Variants in AKT3 observed in about 807,000 individuals in gnomAD.
AKT3 encodes RAC-gamma serine/threonine-protein kinase.
In AKT3, 15 loss-of-function variants were observed where a neutral mutation model predicts 65.3. That is an observed-to-expected ratio of 0.23 (90% confidence interval 0.15 to 0.35). AKT3 has a LOEUF of 0.35. Among genes scored for constraint, AKT3 ranks in the 10% least tolerant of loss-of-function variants. The pLI, the probability that AKT3 is intolerant of heterozygous loss-of-function variation, is 1.00. For synonymous variants in AKT3, 206 were observed against 183.8 expected, an observed-to-expected ratio of 1.12 and a Z score of -0.98; for missense variants, 243 against 576.5, an observed-to-expected ratio of 0.42 and a Z score of 5.92.
At chr1:243,817,549 TG>T (rs1693606209) in intron 2 of AKT3, among the ~76,000 whole-genome samples, 1 of 152,210 alleles carries the variant, frequency 6.6e-6, no homozygotes, top group Non-Finnish European at 1.5e-5. Flanking sequence ...GTGACCAGCC[TG>T]GCCAACATGG....
At chr1:243,592,242 G>T (rs926581812) in intron 8 of AKT3, among the ~76,000 whole-genome samples, 1 of 152,110 alleles carries the variant, frequency 6.6e-6, no homozygotes, top group African/African-American at 2.4e-5. Context: ...GGCTGAGGCA[G>T]GAGAATGGCG....
chr1:243,698,695 C>A lies in AKT3; in HGVS notation c.47-2979G>T, dbSNP rs146466558. ...AAAATTTTAAAGAATTTCCCTTCTT[C>A]CTTAAAAAAGTATTATTTCTCACAA... On this transcript the variant is annotated intron_variant, in intron 2 of 13. Transcript: ENST00000673466. 8.5e-5 allele frequency among the ~76,000 whole-genome samples: 13 copies of A among 152,066 alleles called. No individual in the cohort carries two copies. The East Asian group carries it at 2.5e-3, about 29-fold the overall frequency.
chr1:243,748,818 T>C (rs982241061), intron 2 of AKT3, among the ~76,000 whole-genome samples: 4 of 152,184 alleles, frequency 2.6e-5, no homozygotes, highest in Admixed American at 2.6e-4. Context: ...TATACAGGTC[T>C]GACTTTCAAA....
intron 8 of AKT3, among the ~76,000 whole-genome samples, chr1:243,604,590 A>C (rs1677257551): frequency 6.6e-6 from 1 of 152,196 alleles, no homozygotes; most frequent in Non-Finnish European, 1.5e-5. Flanking sequence ...CTTACGTCTT[A>C]GCCTAGCAAC....
chr1:243,692,735 A>G (rs941680735), intron 3 of AKT3, among the ~76,000 whole-genome samples: 5 of 144,730 alleles, frequency 3.5e-5, no homozygotes, highest in Non-Finnish European at 6.1e-5. Context: ...GAGACTGTCT[A>G]AAAAAAAAAA....
chr1:243,753,849 A>T (rs1306221141), intron 2 of AKT3, among the ~76,000 whole-genome samples: 1 of 152,234 alleles, frequency 6.6e-6, no homozygotes, highest in Non-Finnish European at 1.5e-5. Flanking sequence ...AAGGGCTAGA[A>T]TCCCATCTTT....
intron 6 of AKT3, among the ~76,000 whole-genome samples, chr1:243,626,510 A>G (rs1490059262): frequency 1.3e-5 from 2 of 152,214 alleles, no homozygotes; most frequent in Non-Finnish European, 2.9e-5. Context: ...CTCAGTTCAA[A>G]TCATCAGAGG....
chr1:243,627,224 T>G (rs1318179761), intron 6 of AKT3, among the ~76,000 whole-genome samples: 4 of 152,052 alleles, frequency 2.6e-5, no homozygotes, highest in African/African-American at 9.7e-5. Context: ...CCAGACATAG[T>G]GGCTCACACC....
chr1:243,643,546 T>A (rs1175128369), intron 5 of AKT3, among the ~76,000 whole-genome samples: 2 of 152,246 alleles, frequency 1.3e-5, no homozygotes, highest in Non-Finnish European at 2.9e-5. Context: ...CATTTTCTTT[T>A]AATTCAAACA....
In AKT3 at chr1:243,500,450, G is replaced by T; in HGVS notation, c.*4799C>A. The T allele has an allele frequency of 4.4e-6, 1 of 225,470 alleles. No individual in the cohort carries two copies. 14.0% of individuals were successfully genotyped at this position (225,470 alleles called of 1,614,324 possible). ...CAGTATTTGAGAGGAGCCTAAAAAC[G>T]TACTTAGTGAAATTAGAAAATTTAC... On this transcript the variant is annotated 3_prime_UTR_variant, in exon 14 of 14. Coordinates refer to ENST00000673466, the MANE Select transcript of AKT3 (RefSeq NM_005465.7).
At chr1:243,545,807 G>C (rs554285890) in intron 11 of AKT3, among the ~76,000 whole-genome samples, 2 of 152,322 alleles carry the variant, frequency 1.3e-5, no homozygotes, top group Admixed American at 1.3e-4. Context: ...ATTTGGAAAA[G>C]AGCAGAGGCT....
intron 8 of AKT3, chr1:243,612,593 A>G (rs1451605631): frequency 1.3e-5 from 2 of 155,744 alleles, no homozygotes; most frequent in Admixed American, 6.5e-5. Flanking sequence ...CACAATAAAA[A>G]TATTTCCAGT....
intron 3 of AKT3, among the ~76,000 whole-genome samples, chr1:243,669,673 C>T (rs545853976): frequency 4.6e-5 from 7 of 152,286 alleles, no homozygotes; most frequent in Admixed American, 2.6e-4. Context: ...AACTTCTCAA[C>T]ACTAGACTTT....
upstream of AKT3, among the ~76,000 whole-genome samples, chr1:243,850,295 AGGCGGC>A (rs34490111): frequency 2.7e-3 from 321 of 118,326 alleles, 1 homozygote; most frequent in African/African-American, 6.3e-3. Flanking sequence ...CTGGAGCGGG[AGGCGGC>A]GGCGGCGGCG....
intron 2 of AKT3, among the ~76,000 whole-genome samples, chr1:243,839,168 A>G (rs1242085590): frequency 6.6e-6 from 1 of 152,188 alleles, no homozygotes; most frequent in Non-Finnish European, 1.5e-5. Context: ...CAATTTATTT[A>G]ATTCTATAAT....
At chr1:243,698,929 GAC>G (rs1045038688) in intron 2 of AKT3, among the ~76,000 whole-genome samples, 3 of 142,708 alleles carry the variant, frequency 2.1e-5, no homozygotes, top group Non-Finnish European at 4.6e-5. Context: ...AAAAAAAAAA[GAC>G]AACTTAATAG....
intron 2 of AKT3, among the ~76,000 whole-genome samples, chr1:243,805,058 G>A (rs1462726416): frequency 6.6e-6 from 1 of 152,050 alleles, no homozygotes; most frequent in Non-Finnish European, 1.5e-5. Context: ...GGTTATGTTA[G>A]GTGGGCAGAG....
chr1:243,669,473 A>G (rs1167918459), intron 3 of AKT3, among the ~76,000 whole-genome samples: 2 of 152,218 alleles, frequency 1.3e-5, no homozygotes, highest in Admixed American at 6.5e-5. Flanking sequence ...GATATAAGGT[A>G]ATTAAGATAA....
At chr1:243,616,540 G>C (rs1212588809) in intron 6 of AKT3, among the ~76,000 whole-genome samples, 1 of 152,070 alleles carries the variant, frequency 6.6e-6, no homozygotes, top group Non-Finnish European at 1.5e-5. Flanking sequence ...ACGAAAGGAA[G>C]ACAACTGCTG....
Sources: gnomAD v4.1 joint callset for allele counts (sites outside exome capture counted in the v4.1 genomes callset) on GRCh38, gnomAD v4.1.1 for gene constraint, MANE v1.5 for transcripts, NCBI Gene and HGNC (gene_info 2026-07-23, HGNC 2026-07-21) for gene names.